ATP10A: variants seen among roughly 807,000 people sequenced by gnomAD.
ATP10A encodes ATPase phospholipid transporting 10A (putative), also known as phospholipid-transporting ATPase VA.
A neutral mutation model predicts 147.8 loss-of-function variants in ATP10A; 111 were observed. That is an observed-to-expected ratio of 0.75 (90% CI 0.64 to 0.88). The LOEUF is 0.88. Ranked by LOEUF, ATP10A falls within the 40% of genes least tolerant of loss-of-function variation. ATP10A has a pLI of 0.00. For missense variants in ATP10A, 1,927 were observed against 1,959.0 expected (o/e 0.98, Z 0.31); for synonymous variants, 875 against 841.6 (o/e 1.04, Z -0.69).
In ATP10A at chr15:25,732,032, T is replaced by G. The variant is rs187943939; in HGVS notation, c.740+4024A>C. ...CACCACACCCACACCAGGCTAATTT[T>G]TGTGTGTGTGTGTGATTTTTGTAGA... On this transcript the variant is annotated intron_variant, in intron 3 of 20. Transcript: ENST00000555815. Among the ~76,000 whole-genome samples, 334 of 151,854 alleles carry G rather than the reference T, an allele frequency of 2.2e-3. 3 individuals are homozygous for G. The highest frequency in any genetic ancestry group is 3.7e-4 in the Non-Finnish European group (25 of 67,918).
rs532896913 is a variant in ATP10A at position 25,862,874 on chromosome 15, G to A, written c.223C>T (p.Leu75=). 2.3e-5 allele frequency: 37 copies of A among 1,612,064 alleles called. 1 individual carries two copies. Among genetic ancestry groups the A allele is most frequent in the East Asian group, 2.0e-4 (9 of 44,798 alleles). Residue 75 remains leucine, a synonymous_variant, in exon 1 of 21, where the codon CTG becomes TTG. Coordinates refer to ENST00000555815, the MANE Select transcript of ATP10A (RefSeq NM_024490.4). ...AACTGCTCGAACAGGTTCTTGGGCA[G>A]GAAGGACAGCAGCGTGTACTTGGTA... ...KTTKYTLLSF[L]PKNLFEQFHR...
In ATP10A at chr15:25,679,566, G is replaced by T. The variant is rs141528082; in HGVS notation, c.4275C>A (p.Pro1425=). Residue 1425 remains proline, a synonymous_variant, in exon 21 of 21, where the codon CCC becomes CCA. Coordinates refer to ENST00000555815, the MANE Select transcript of ATP10A (RefSeq NM_024490.4). ...TAGGCAGGCTGAAGAGGGAAGACAG[G>T]GGGGTCACCCTGCCGGTGCTGGCAG... is the stretch of plus-strand genomic sequence containing the variant. ...VRAASTGRVT[P]LSSLFSLPTF... 1.9e-6 allele frequency: 3 copies of T among 1,611,522 alleles called. No individual in the cohort carries two copies. Among genetic ancestry groups the T allele is most frequent in the Non-Finnish European group, 2.5e-6 (3 of 1,178,066 alleles).
intron 12 of ATP10A, 45 bp from the exon 13 acceptor site, chr15:25,702,145 C>T (rs371595660): frequency 4.8e-4 from 745 of 1,553,964 alleles, no homozygotes; most frequent in Non-Finnish European, 5.9e-4. Context: ...TTCTCACGTG[C>T]CCCCCAATCC....
chr15:25,694,796 G>A (rs778810070), intron 14 of ATP10A, 23 bp downstream of exon 14: 4 of 1,581,606 alleles, frequency 2.5e-6, no homozygotes, highest in Admixed American at 1.7e-5. Context: ...GGAGGAGGCC[G>A]TCTGGCCAGC....
rs116742661 is a variant in ATP10A, at chr15:25,688,243, C to T, written c.3166-415G>A. Reference sequence around the variant, plus strand: ...ACCCAAGGATGACCCAAAGCTGCTCCTGCCGTATGTATCAGAGACAGACAT... The same window carrying T: ...ACCCAAGGATGACCCAAAGCTGCTCTTGCCGTATGTATCAGAGACAGACAT... On this transcript the variant is annotated intron_variant, in intron 15 of 20. Transcript: ENST00000555815. Among the ~76,000 whole-genome samples the T allele has an allele frequency of 7.9e-3, 1,200 of 152,306 alleles. 14 individuals carry two copies. Among genetic ancestry groups the T allele is most frequent in the African/African-American group, 0.028 (1,145 of 41,578 alleles).
Position 25,683,282 on chromosome 15 carries a change from T to C in ATP10A, c.3492+4A>G. On this transcript the variant is annotated splice_donor_region_variant and intron_variant, in intron 17 of 20. Transcript: ENST00000555815. ...TGGAAGGCGGAGACTCGGGGGAGCT[T>C]TACCTCCATGTTCTGGCCACTCTTG... The C allele has an allele frequency of 6.2e-7, 1 of 1,612,926 alleles. No individual in the cohort carries two copies. Among genetic ancestry groups the C allele is most frequent in the South Asian group, 1.1e-5 (1 of 91,020 alleles).
At chr15:25,764,162 C>T (rs1451874256) in intron 2 of ATP10A, among the ~76,000 whole-genome samples, 2 of 152,114 alleles carry the variant, frequency 1.3e-5, no homozygotes, top group Non-Finnish European at 2.9e-5. Context: ...TGCATTTCTT[C>T]AAGGCACCGA....
chr15:25,708,248 G>A lies in ATP10A; in HGVS notation c.2397C>T (p.Tyr799=), dbSNP rs753168128. 1.2e-6 allele frequency: 2 copies of A among 1,614,182 alleles called. No individual in the cohort carries two copies. The highest frequency in any genetic ancestry group is 2.2e-5 in the East Asian group (1 of 44,844). Reference sequence around the variant, plus strand: ...GGCCTTCCGCCGCATACACGTTGAGGTAATTCTGAGTTTTGCTCCGAATCT... The same window carrying A: ...GGCCTTCCGCCGCATACACGTTGAGATAATTCTGAGTTTTGCTCCGAATCT... ...QKKIRSKTQN[Y]LNVYAAEGLR... is the part of the protein sequence containing the mutation. Residue 799 remains tyrosine (Y), a synonymous_variant, in exon 11 of 21, where the codon TAC becomes TAT. Transcript: ENST00000555815.
At chr15:25,801,758 G>C (rs1890949797) in intron 1 of ATP10A, among the ~76,000 whole-genome samples, 2 of 152,208 alleles carry the variant, frequency 1.3e-5, no homozygotes, top group African/African-American at 4.8e-5. Flanking sequence ...GGCAGGAATG[G>C]CATCACAGCC....
intron 13 of ATP10A, among the ~76,000 whole-genome samples, chr15:25,701,683 A>C (rs908440207): frequency 5.3e-5 from 8 of 152,188 alleles, no homozygotes; most frequent in Admixed American, 3.3e-4. Flanking sequence ...ATGTCAGGAG[A>C]AACCAGGCTG....
At chr15:25,808,677 C>G (rs1891301673) in intron 1 of ATP10A, among the ~76,000 whole-genome samples, 1 of 152,216 alleles carries the variant, frequency 6.6e-6, no homozygotes, top group Non-Finnish European at 1.5e-5. Flanking sequence ...AGCCACAGTG[C>G]CTGGCTGAGA....
intron 9 of ATP10A, among the ~76,000 whole-genome samples, chr15:25,715,960 C>T (rs1167797831): frequency 1.3e-5 from 2 of 152,214 alleles, no homozygotes; most frequent in African/African-American, 4.8e-5. Flanking sequence ...CACTGTAGGG[C>T]TTTCTGGGGT....
chr15:25,767,819 C>A (rs1484765406), intron 2 of ATP10A, among the ~76,000 whole-genome samples: 3 of 152,250 alleles, frequency 2.0e-5, no homozygotes, highest in Admixed American at 6.5e-5. Flanking sequence ...GCCGCTGTCA[C>A]CTCGCTGAAG....
downstream of ATP10A, among the ~76,000 whole-genome samples, chr15:25,672,299 G>C (rs1359100174): frequency 6.6e-6 from 1 of 152,146 alleles, no homozygotes; most frequent in Admixed American, 6.5e-5. Flanking sequence ...GTTCATCTGT[G>C]TTGTACATGT....
At chr15:25,711,951 C>T (rs1437896972) in intron 10 of ATP10A, among the ~76,000 whole-genome samples, 1 of 152,114 alleles carries the variant, frequency 6.6e-6, no homozygotes, top group African/African-American at 2.4e-5. Context: ...CGAGGAAATC[C>T]CTGGCTCACT....
At chr15:25,674,666 A>G (rs1215222362), downstream of ATP10A, among the ~76,000 whole-genome samples, 3 of 152,202 alleles carry the variant, frequency 2.0e-5, no homozygotes, top group African/African-American at 7.2e-5. Context: ...GTCTTACATT[A>G]TTTATTATTT....
intron 13 of ATP10A, among the ~76,000 whole-genome samples, chr15:25,700,929 TAAA>T (rs36021930): frequency 6.9e-6 from 1 of 143,940 alleles, no homozygotes; most frequent in Non-Finnish European, 1.5e-5. Flanking sequence ...AGAGGTCACT[TAAA>T]AAAAAAAAAG....
At chr15:25,857,023 T>C (rs1893548406) in intron 1 of ATP10A, among the ~76,000 whole-genome samples, 1 of 152,158 alleles carries the variant, frequency 6.6e-6, no homozygotes, top group Non-Finnish European at 1.5e-5. Flanking sequence ...AAAAGTGACT[T>C]AAAAGATTTA....
At position 25,845,068 on chromosome 15, in the gene ATP10A, G is replaced by C. The variant is rs145147482; in HGVS notation, c.449+17580C>G. Reference sequence around the variant, plus strand: ...CACAAATCCCCCCCAAACACCAGGAGAAAGTGTGTGATGAGGTGGACACTC... The same window carrying C: ...CACAAATCCCCCCCAAACACCAGGACAAAGTGTGTGATGAGGTGGACACTC... On this transcript the variant is annotated intron_variant, in intron 1 of 20. Coordinates refer to ENST00000555815, the MANE Select transcript of ATP10A (RefSeq NM_024490.4). 2.1e-3 allele frequency among the ~76,000 whole-genome samples: 313 copies of C among 152,314 alleles called. 2 individuals are homozygous for C. Among genetic ancestry groups the C allele is most frequent in the African/African-American group, 7.0e-3 (293 of 41,582 alleles).
Sources: allele counts gnomAD v4.1 joint callset (sites outside exome capture counted in the v4.1 genomes callset), GRCh38; gene constraint gnomAD v4.1.1; transcripts MANE v1.5; gene names NCBI Gene and HGNC (gene_info 2026-07-23, HGNC 2026-07-21).